Variants in ZC4H2 observed in about 807,000 individuals in gnomAD.
The protein encoded by ZC4H2 is zinc finger C4H2 domain-containing protein.
For missense variants in ZC4H2, 137 were observed against 173.9 expected (o/e 0.79, Z 1.19); for synonymous variants, 84 against 66.3 (o/e 1.27, Z -1.30).
intron 1 of ZC4H2, among the ~76,000 whole-genome samples, chrX:64,936,099 C>A (rs1270930585): frequency 1.8e-5 from 2 of 109,480 alleles, no homozygotes; most frequent in African/African-American, 6.6e-5. Context: ...GGGATAAAAA[C>A]CATGGCACAA....
At chrX:64,981,826 TTC>T (rs1932087427) in intron 1 of ZC4H2, among the ~76,000 whole-genome samples, 1 of 111,325 alleles carries the variant, frequency 9.0e-6, no homozygotes, top group Non-Finnish European at 1.9e-5. Context: ...ACTTTGAAGA[TTC>T]CCCTAGGAGA....
At chrX:64,953,394 A>G (rs1369117385) in intron 1 of ZC4H2, among the ~76,000 whole-genome samples, 2 of 112,043 alleles carry the variant, frequency 1.8e-5, no homozygotes, top group African/African-American at 3.2e-5. Context: ...AACCTACAGA[A>G]TGGGAGAAAA....
At chrX:64,984,334 C>A (rs1467265666) in intron 1 of ZC4H2, among the ~76,000 whole-genome samples, 1 of 112,079 alleles carries the variant, frequency 8.9e-6, no homozygotes, top group Non-Finnish European at 1.9e-5. Context: ...GCAAAGCCAG[C>A]TACACAAGAG....
chrX:64,934,414 G>A (rs1929895216), intron 1 of ZC4H2, among the ~76,000 whole-genome samples: 1 of 112,107 alleles, frequency 8.9e-6, no homozygotes. Flanking sequence ...TGGATAAACT[G>A]GTCCATTTCA....
chrX:65,023,081 G>C (rs772098153), intron 1 of ZC4H2, among the ~76,000 whole-genome samples: 1 of 111,733 alleles, frequency 8.9e-6, no homozygotes, highest in Non-Finnish European at 1.9e-5. Flanking sequence ...ATAGTTTGAA[G>C]TCAGGTAGCA....
chrX:65,021,826 T>G (rs867502377), intron 1 of ZC4H2, among the ~76,000 whole-genome samples: 1 of 109,100 alleles, frequency 9.2e-6, no homozygotes, highest in Non-Finnish European at 1.9e-5. Flanking sequence ...AGCTGCAATA[T>G]AAAATGATAA....
chrX:64,967,524 A>G (rs1001472867), intron 1 of ZC4H2, among the ~76,000 whole-genome samples: 1 of 112,162 alleles, frequency 8.9e-6, no homozygotes, highest in Non-Finnish European at 1.9e-5. Context: ...AGAAAATGGA[A>G]CAAATCATAA....
chrX:64,920,239 G>T lies in ZC4H2; in HGVS notation c.240C>A (p.Ile80=), dbSNP rs200546467. 9.9e-6 allele frequency: 12 copies of T among 1,208,348 alleles called. No individual in the cohort carries two copies. Among genetic ancestry groups the T allele is most frequent in the Non-Finnish European group, 1.3e-5 (12 of 894,613 alleles). The part of the protein sequence containing the change: ...HADINVMENT[I]KQSENDLNKL... ...TGTTTAGGTCATTCTCAGATTGTTT[G>T]ATAGTGTTTTCCATCTGGAACATAG... The change falls in exon 3 of 5, where the codon ATC becomes ATA. Residue 80 remains isoleucine, a synonymous_variant. Transcript: ENST00000374839.
chrX:64,974,044 T>G (rs1931864216), intron 1 of ZC4H2, among the ~76,000 whole-genome samples: 1 of 111,955 alleles, frequency 8.9e-6, no homozygotes, highest in Admixed American at 9.4e-5. Context: ...GTCATTATTT[T>G]TCCCAATACT....
intron 1 of ZC4H2, among the ~76,000 whole-genome samples, chrX:64,936,228 G>A (rs1207770922): frequency 1.8e-5 from 2 of 110,051 alleles, no homozygotes; most frequent in Non-Finnish European, 3.8e-5. Flanking sequence ...AGAGAAAAAA[G>A]AATAAAGAGG....
chrX:64,988,104 T>A (rs1284947825), intron 1 of ZC4H2, among the ~76,000 whole-genome samples: 5 of 110,170 alleles, frequency 4.5e-5, no homozygotes. Flanking sequence ...ATGGTGCATA[T>A]GTGCCACGTT....
chrX:64,920,147 A>C lies in ZC4H2; in HGVS notation c.332T>G (p.Leu111Arg). The part of the protein sequence containing the change: ...YKPLKEHVDA[L>R]RMTLGLQRLP... The stretch of plus-strand genomic sequence containing the variant: ...CCTCTGCAGGCCCAGAGTCATGCGC[A>C]GGGCATCCACATGTTCTTTCAGTGG... Residue 111 changes from leucine to arginine, a missense_variant, in exon 3 of 5, where the codon CTG becomes CGG. Coordinates refer to ENST00000374839, the MANE Select transcript of ZC4H2 (RefSeq NM_018684.4). 8.3e-7 allele frequency: 1 copy of C among 1,211,857 alleles called. No homozygotes were observed. The highest frequency in any genetic ancestry group is 1.1e-6 in the Non-Finnish European group (1 of 895,489).
At chrX:64,942,181 A>T (rs1930318326) in intron 1 of ZC4H2, among the ~76,000 whole-genome samples, 1 of 111,382 alleles carries the variant, frequency 9.0e-6, no homozygotes, top group African/African-American at 3.3e-5. Context: ...TTATTTGCAT[A>T]AAGGTGTTTT....
At chrX:65,000,020 C>A (rs1275023803) in intron 1 of ZC4H2, among the ~76,000 whole-genome samples, 2 of 112,327 alleles carry the variant, frequency 1.8e-5, no homozygotes, top group African/African-American at 6.5e-5. Flanking sequence ...ACAGCTTCAG[C>A]AGATTTAAAC....
intron 1 of ZC4H2, among the ~76,000 whole-genome samples, chrX:64,934,938 T>G (rs1337501639): frequency 9.1e-6 from 1 of 110,494 alleles, no homozygotes; most frequent in Non-Finnish European, 1.9e-5. Context: ...CTGCAGGGTT[T>G]TTTTTTTTTC....
intron 1 of ZC4H2, among the ~76,000 whole-genome samples, chrX:65,002,902 C>G (rs752116619): frequency 5.6e-4 from 61 of 108,971 alleles, no homozygotes; most frequent in African/African-American, 1.8e-3. Context: ...TCTCAAGTAC[C>G]CAAGGACACA....
chrX:64,984,448 G>C (rs974682399), intron 1 of ZC4H2, among the ~76,000 whole-genome samples: 1 of 111,616 alleles, frequency 9.0e-6, no homozygotes, highest in Non-Finnish European at 1.9e-5. Flanking sequence ...GGGGAATGCT[G>C]TTTGGTTGCA....
chrX:65,004,303 C>A (rs1235192903), intron 1 of ZC4H2, among the ~76,000 whole-genome samples: 1 of 111,818 alleles, frequency 8.9e-6, no homozygotes, highest in Non-Finnish European at 1.9e-5. Context: ...GGCCAATATC[C>A]CTGATGAACA....
chrX:64,924,477 C>T (rs1929342909), intron 1 of ZC4H2, among the ~76,000 whole-genome samples: 1 of 111,272 alleles, frequency 9.0e-6, no homozygotes, highest in African/African-American at 3.3e-5. Flanking sequence ...TGAAGAAAAT[C>T]GATCCTGAAC....
Sources: allele counts gnomAD v4.1 joint callset (sites outside exome capture counted in the v4.1 genomes callset), GRCh38; gene constraint gnomAD v4.1.1; transcripts MANE v1.5; gene names NCBI Gene and HGNC (gene_info 2026-07-23, HGNC 2026-07-21).